The following EPHA6 variants were observed in gnomAD, a reference collection of about 807,000 sequenced individuals.
The protein encoded by EPHA6 is EPH receptor A6, also known as ephrin type-A receptor 6.
A neutral mutation model predicts 112.0 loss-of-function variants in EPHA6; 50 were observed. That is an observed-to-expected ratio of 0.45 (90% CI 0.36 to 0.56). The LOEUF (loss-of-function observed/expected upper bound fraction) is 0.56, where lower values mean the gene tolerates loss of function less well. EPHA6 is among the 20% of genes least tolerant of loss of function. The pLI, the probability that EPHA6 is intolerant of heterozygous loss-of-function variation, is 0.00. For synonymous variants in EPHA6, 529 were observed against 490.7 expected (o/e 1.08, Z -1.03); for missense variants, 1,280 against 1,417.4 (o/e 0.90, Z 1.56).
intron 14 of EPHA6, chr3:97,648,330 A>C (rs770427176): frequency 6.5e-7 from 1 of 1,540,098 alleles, no homozygotes; most frequent in Middle Eastern, 1.7e-4. Context: ...ATTCTGCATA[A>C]ATTCTGAGAA....
chr3:97,222,609 C>T (rs532618013), intron 3 of EPHA6, among the ~76,000 whole-genome samples: 240 of 152,302 alleles, frequency 1.6e-3, no homozygotes, highest in Middle Eastern at 6.8e-3. Flanking sequence ...TATTTACTAT[C>T]TGTTTTCATC....
intron 2 of EPHA6, among the ~76,000 whole-genome samples, chr3:96,888,656 G>A (rs992692833): frequency 6.6e-6 from 1 of 152,178 alleles, no homozygotes; most frequent in Non-Finnish European, 1.5e-5. Context: ...GCTGCACACA[G>A]CACCAGGGAC....
rs550487396 is a variant in EPHA6, at chr3:96,843,745, T to G, written c.386-23080T>G. Among the ~76,000 whole-genome samples, 24 of 152,150 alleles carry G rather than the reference T, an allele frequency of 1.6e-4. 1 individual carries two copies. The highest frequency in any genetic ancestry group is 1.3e-3 in the Admixed American group (20 of 15,254). ...TGAGCTAACTTGAGGGTATATGGAT[T>G]ATCACTGTGAGTATATCATGGAACA... On this transcript the variant is annotated intron_variant, in intron 1 of 17. Coordinates refer to ENST00000389672, the MANE Select transcript of EPHA6 (RefSeq NM_001080448.3).
intron 3 of EPHA6, among the ~76,000 whole-genome samples, chr3:97,137,322 C>G (rs1016517860): frequency 6.6e-5 from 10 of 152,124 alleles, no homozygotes; most frequent in Admixed American, 2.0e-4. Flanking sequence ...CCCCAGATTG[C>G]TTACCACATG....
At chr3:97,037,617 C>T (rs2045152360) in intron 3 of EPHA6, among the ~76,000 whole-genome samples, 1 of 151,862 alleles carries the variant, frequency 6.6e-6, no homozygotes, top group South Asian at 2.1e-4. Context: ...AGTGGGAAAA[C>T]ACTAAAGGAT....
At chr3:97,203,527 G>A (rs1158747346) in intron 3 of EPHA6, among the ~76,000 whole-genome samples, 1 of 152,042 alleles carries the variant, frequency 6.6e-6, no homozygotes, top group Admixed American at 6.6e-5. Context: ...AGTATAGGTA[G>A]TGCAGATTAT....
chr3:97,151,236 G>A (rs541042445), intron 3 of EPHA6, among the ~76,000 whole-genome samples: 50 of 152,234 alleles, frequency 3.3e-4, no homozygotes, highest in African/African-American at 1.2e-3. Flanking sequence ...TTCATTTTAA[G>A]TATGATTTCT....
At chr3:97,709,018 G>A (rs1222085444) in intron 14 of EPHA6, among the ~76,000 whole-genome samples, 5 of 152,220 alleles carry the variant, frequency 3.3e-5, no homozygotes, top group Admixed American at 1.3e-4. Context: ...ACCTCTACTA[G>A]TGCAATGTAG....
chr3:97,568,579 C>T (rs549677747), intron 11 of EPHA6, among the ~76,000 whole-genome samples: 9 of 152,322 alleles, frequency 5.9e-5, no homozygotes, highest in African/African-American at 2.2e-4. Context: ...GCTCCTTATG[C>T]CTACAATGCC....
At chr3:97,076,724 T>G (rs1039620815) in intron 3 of EPHA6, among the ~76,000 whole-genome samples, 10 of 152,162 alleles carry the variant, frequency 6.6e-5, no homozygotes, top group African/African-American at 1.2e-4. Flanking sequence ...AGACTGACAC[T>G]GCTGTTACGG....
intron 2 of EPHA6, among the ~76,000 whole-genome samples, chr3:96,874,549 C>T (rs2107485179): frequency 6.6e-6 from 1 of 152,172 alleles, no homozygotes. Flanking sequence ...ACTTGTCATT[C>T]TCAAAATGTC....
chr3:97,042,008 G>A (rs1329734781), intron 3 of EPHA6, among the ~76,000 whole-genome samples: 1 of 152,010 alleles, frequency 6.6e-6, no homozygotes, highest in Non-Finnish European at 1.5e-5. Context: ...AACCTTAATG[G>A]CCTTGGTCCT....
intron 3 of EPHA6, among the ~76,000 whole-genome samples, chr3:97,190,007 T>C (rs2077258788): frequency 6.6e-6 from 1 of 151,964 alleles, no homozygotes; most frequent in Admixed American, 6.6e-5. Flanking sequence ...TGAATGGAAA[T>C]AACAGAATCT....
At chr3:97,233,245 G>T (rs1219831764) in intron 4 of EPHA6, among the ~76,000 whole-genome samples, 2 of 151,100 alleles carry the variant, frequency 1.3e-5, no homozygotes, top group Non-Finnish European at 2.9e-5. Flanking sequence ...ATCAATATCA[G>T]TGAGGTAGTC....
intron 5 of EPHA6, among the ~76,000 whole-genome samples, chr3:97,319,557 C>T (rs1476366001): frequency 2.0e-5 from 3 of 151,008 alleles, no homozygotes. Flanking sequence ...GTAATCCCAA[C>T]TACTTGGAAG....
chr3:97,433,738 C>G (rs116303325), intron 6 of EPHA6, among the ~76,000 whole-genome samples: 1 of 151,974 alleles, frequency 6.6e-6, no homozygotes, highest in South Asian at 2.1e-4. Flanking sequence ...TAGGGCAGAA[C>G]ACTTAGTAAA....
chr3:97,584,105 T>C (rs1488855318), intron 11 of EPHA6, among the ~76,000 whole-genome samples: 2 of 152,226 alleles, frequency 1.3e-5, no homozygotes, highest in African/African-American at 4.8e-5. Flanking sequence ...TATTTGAGTG[T>C]ACATTGTTTT....
At chr3:96,857,538 C>T (rs1162032230) in intron 1 of EPHA6, among the ~76,000 whole-genome samples, 2 of 151,092 alleles carry the variant, frequency 1.3e-5, no homozygotes, top group Admixed American at 1.4e-4. Context: ...TGTGACATTT[C>T]CTCAGTAGTT....
intron 12 of EPHA6, among the ~76,000 whole-genome samples, chr3:97,596,175 G>A (rs1166272230): frequency 2.0e-5 from 3 of 152,148 alleles, no homozygotes; most frequent in African/African-American, 7.2e-5. Context: ...AAAGTGCTGG[G>A]ATTACAGGCG....
Sources: gnomAD v4.1 joint callset for allele counts (sites outside exome capture counted in the v4.1 genomes callset) on GRCh38, gnomAD v4.1.1 for gene constraint, MANE v1.5 for transcripts, NCBI Gene and HGNC (gene_info 2026-07-23, HGNC 2026-07-21) for gene names.